Variants in LINGO2 observed in about 807,000 individuals in gnomAD.
The protein encoded by LINGO2 is leucine-rich repeat and immunoglobulin-like domain-containing nogo receptor-interacting protein 2.
Under a neutral mutation model 30.6 loss-of-function variants are expected in LINGO2, and 14 were observed. The observed-to-expected ratio is 0.46, with a 90% CI of 0.30 to 0.72. LINGO2 has a LOEUF of 0.72. Ranked by LOEUF, LINGO2 falls within the 30% of genes least tolerant of loss-of-function variation. The pLI, the probability that LINGO2 is intolerant of heterozygous loss-of-function variation, is 0.07. For synonymous variants in LINGO2, 317 were observed against 288.5 expected (o/e 1.10, Z -1.00); for missense variants, 729 against 751.7 (o/e 0.97, Z 0.35).
the LINGO2 span, among the ~76,000 whole-genome samples, chr9:28,763,400 C>T: frequency 1.9e-3 from 294 of 151,812 alleles, 8 homozygotes; most frequent in African/African-American, 6.8e-3. Context: ...AAAACATTTA[C>T]GAATATGTGG....
chr9:28,860,981 T>A, the LINGO2 span, among the ~76,000 whole-genome samples: 1 of 126,166 alleles, frequency 7.9e-6, no homozygotes, highest in South Asian at 2.2e-4. Flanking sequence ...AATATATAAA[T>A]CTATAATATA....
intron 3 of LINGO2, among the ~76,000 whole-genome samples, chr9:28,327,097 G>T (rs965795583): frequency 6.6e-6 from 1 of 152,084 alleles, no homozygotes; most frequent in African/African-American, 2.4e-5. Flanking sequence ...TTACAAAAAG[G>T]CTTGTTCACC....
chr9:29,115,032 C>T, the LINGO2 span, among the ~76,000 whole-genome samples: 1 of 152,052 alleles, frequency 6.6e-6, no homozygotes, highest in African/African-American at 2.4e-5. Context: ...TACCACCTCA[C>T]TAATAATTAG....
chr9:29,130,385 G>A, the LINGO2 span, among the ~76,000 whole-genome samples: 1 of 152,070 alleles, frequency 6.6e-6, no homozygotes, highest in Non-Finnish European at 1.5e-5. Flanking sequence ...GGTTGCTGAG[G>A]TTCTCAGAAT....
chr9:28,335,723 C>A (rs1825568379), intron 3 of LINGO2, among the ~76,000 whole-genome samples: 1 of 151,974 alleles, frequency 6.6e-6, no homozygotes, highest in African/African-American at 2.4e-5. Flanking sequence ...CAACCATGAT[C>A]CAAGGATAAA....
At chr9:28,745,811 A>G in the LINGO2 span, among the ~76,000 whole-genome samples, 100 of 152,188 alleles carry the variant, frequency 6.6e-4, 1 homozygote, top group African/African-American at 2.2e-3. Context: ...TTTGACTCCA[A>G]TGTTTGTGTC....
At chr9:28,698,662 G>A in the LINGO2 span, among the ~76,000 whole-genome samples, 1 of 151,838 alleles carries the variant, frequency 6.6e-6, no homozygotes, top group Non-Finnish European at 1.5e-5. Context: ...TTTCAGGTTA[G>A]TTTCACAATA....
chr9:28,708,013 CT>C, the LINGO2 span, among the ~76,000 whole-genome samples: 9 of 152,020 alleles, frequency 5.9e-5, no homozygotes, highest in Non-Finnish European at 4.4e-5. Context: ...GAATAAAGAC[CT>C]AATAAAATGT....
the LINGO2 span, among the ~76,000 whole-genome samples, chr9:28,769,502 ATATATATATATATATATTTTTTTTTT>A: frequency 1.7e-3 from 8 of 4,580 alleles, 2 homozygotes; most frequent in African/African-American, 5.1e-3. Flanking sequence ...ATATATATAT[ATATATATATATATATATTTTTTTTTT>A]TTTTTTTTTT....
At chr9:28,578,703 G>A (rs1195380479) in intron 1 of LINGO2, among the ~76,000 whole-genome samples, 2 of 151,986 alleles carry the variant, frequency 1.3e-5, no homozygotes, top group African/African-American at 2.4e-5. Context: ...TTCACTCTAC[G>A]TACAAAGATC....
the LINGO2 span, among the ~76,000 whole-genome samples, chr9:29,028,072 T>C: frequency 1.3e-5 from 2 of 152,154 alleles, no homozygotes; most frequent in African/African-American, 2.4e-5. Context: ...TCCTGGACTG[T>C]AGTGTATCTT....
At chr9:28,343,634 C>T (rs72711408) in intron 3 of LINGO2, among the ~76,000 whole-genome samples, 1,870 of 151,868 alleles carry the variant, frequency 0.012, 33 homozygotes, top group Admixed American at 0.035. Context: ...TAGGAAAAAA[C>T]ATCCATATTC....
intron 1 of LINGO2, among the ~76,000 whole-genome samples, chr9:28,562,457 C>CAAAAAAAAAAAAAAAAAAAAAAAAAAAAA (rs56998877): frequency 9.2e-6 from 1 of 109,206 alleles, no homozygotes; most frequent in Non-Finnish European, 1.7e-5. Flanking sequence ...CATTTACTTT[C>CAAAAAAAAAAAAAAAAAAAAAAAAAAAAA]AAAAAAAAAA....
chr9:28,830,184 G>A, the LINGO2 span, among the ~76,000 whole-genome samples: 6 of 152,228 alleles, frequency 3.9e-5, no homozygotes, highest in African/African-American at 7.2e-5. Flanking sequence ...GCCTTGTGGG[G>A]TAAGTAACAT....
chr9:28,027,749 T>A (rs1031699618), intron 4 of LINGO2, among the ~76,000 whole-genome samples: 2 of 152,216 alleles, frequency 1.3e-5, no homozygotes, highest in African/African-American at 2.4e-5. Flanking sequence ...ACACGTCATG[T>A]CTGCTTAGTA....
the LINGO2 span, among the ~76,000 whole-genome samples, chr9:29,036,781 GT>G: frequency 5.1e-4 from 78 of 151,534 alleles, no homozygotes; most frequent in Admixed American, 1.1e-3. Flanking sequence ...TATGGATTCT[GT>G]TTTTACCTTT....
At position 27,985,648 on chromosome 9, in the gene LINGO2, AATTAGGGTTTATTATT is replaced by A. The variant is rs1312688271; in HGVS notation, c.-36+26691_-36+26706del. On this transcript the variant is annotated intron_variant, in intron 5 of 5. Transcript: ENST00000379992. ...TAGGTGGTAAATGTTTATGGTTTTC[AATTAGGGTTTATTATT>A]ATTACTTCTATGATGATGATGATTA... 1.8e-4 allele frequency among the ~76,000 whole-genome samples: 26 copies of A among 148,234 alleles called. No homozygotes were observed. The Admixed American group carries it at 1.8e-3, about 10-fold the overall frequency.
chr9:28,503,407 C>T (rs114347889), intron 1 of LINGO2, among the ~76,000 whole-genome samples: 4,290 of 152,070 alleles, frequency 0.028, 169 homozygotes, highest in East Asian at 0.091. Flanking sequence ...TGTGCTTCCA[C>T]GTGGAACACA....
chr9:28,542,329 A>G (rs964123605), intron 1 of LINGO2, among the ~76,000 whole-genome samples: 35 of 152,082 alleles, frequency 2.3e-4, no homozygotes, highest in African/African-American at 8.4e-4. Flanking sequence ...GCAGCTGGAC[A>G]TCAAGGTCTT....
Sources: allele counts gnomAD v4.1 joint callset (sites outside exome capture counted in the v4.1 genomes callset), GRCh38; gene constraint gnomAD v4.1.1; transcripts MANE v1.5; gene names NCBI Gene and HGNC (gene_info 2026-07-23, HGNC 2026-07-21).